The following TRABD2B variants were observed in gnomAD, a reference collection of about 807,000 sequenced individuals.
TRABD2B encodes the protein metalloprotease TIKI2.
A neutral mutation model predicts 40.1 loss-of-function variants in TRABD2B; 14 were observed. The ratio of observed to expected loss-of-function variants is 0.35; its 90% confidence interval spans 0.23 to 0.55. TRABD2B has a LOEUF of 0.55. TRABD2B is among the 20% of genes least tolerant of loss of function. The pLI is 0.90. For missense variants in TRABD2B, 541 were observed against 648.6 expected, an observed-to-expected ratio of 0.83 and a Z score of 1.80; for synonymous variants, 263 against 277.0, an observed-to-expected ratio of 0.95 and a Z score of 0.50.
At chr1:47,992,621 T>G (rs948152701) in intron 2 of TRABD2B, among the ~76,000 whole-genome samples, 1 of 152,116 alleles carries the variant, frequency 6.6e-6, no homozygotes, top group Non-Finnish European at 1.5e-5. Flanking sequence ...AGATGGGCGG[T>G]GAGCGCCGGG....
intron 2 of TRABD2B, among the ~76,000 whole-genome samples, chr1:47,887,051 T>C (rs1461573384): frequency 6.6e-6 from 1 of 152,050 alleles, no homozygotes; most frequent in Non-Finnish European, 1.5e-5. Context: ...CCTCTCTAAG[T>C]CTCAGTTTGT....
In TRABD2B at chr1:47,994,708, A is replaced by T; in HGVS notation, c.103-111T>A. 1.0e-6 allele frequency: 1 copy of T among 962,332 alleles called. No individual in the cohort carries two copies. Among genetic ancestry groups the T allele is most frequent in the Non-Finnish European group, 1.5e-6 (1 of 663,666 alleles). 59.6% of individuals were successfully genotyped at this position (962,332 alleles called of 1,614,324 possible). On this transcript the variant is annotated intron_variant, in intron 1 of 6. Coordinates refer to ENST00000606738, the MANE Select transcript of TRABD2B (RefSeq NM_001194986.2). This position sits in a 1 kb window ranked among gnomAD's most constrained non-coding sequence, Gnocchi z 6.7. ...GGTGGGGATGGGAGGCAGAGACCAT[A>T]CACAGGCCGTGGTAAAGAGCCAGGT... is the stretch of plus-strand genomic sequence containing the variant.
intron 2 of TRABD2B, among the ~76,000 whole-genome samples, chr1:47,812,376 G>T (rs149961988): frequency 6.6e-6 from 1 of 152,152 alleles, no homozygotes; most frequent in East Asian, 1.9e-4. Flanking sequence ...CCTGGGAGTC[G>T]GTGAGGGAAT....
rs1371236311 is a variant in TRABD2B at position 47,813,865 on chromosome 1, G to T, written c.667-12246C>A. 6.6e-6 allele frequency among the ~76,000 whole-genome samples: 1 copy of T among 152,214 alleles called. No individual in the cohort carries two copies. Among genetic ancestry groups the T allele is most frequent in the Non-Finnish European group, 1.5e-5 (1 of 68,030 alleles). On this transcript the variant is annotated intron_variant, in intron 2 of 6. Transcript: ENST00000606738. This position sits in a 1 kb window ranked among gnomAD's most constrained non-coding sequence, Gnocchi z 4.3. ...TGCTAGGCTCTGTGCTGGGTGCCAA[G>T]GCCATGGGACCAAATCAGTACCCTG...
rs972274096 is a variant in TRABD2B, at chr1:47,763,168, C to G, written c.*2734G>C. The G allele has an allele frequency of 6.6e-6, 1 of 152,190 alleles. No individual in the cohort carries two copies. The highest frequency in any genetic ancestry group is 1.5e-5 in the Non-Finnish European group (1 of 68,040). 9.4% of individuals were successfully genotyped at this position (152,190 alleles called of 1,614,324 possible). A position where few individuals can be genotyped will look rare whatever the true frequency, so the allele number is the denominator to read the frequency against. ...TTCTCTGGCCCAGGATGAGAGAATT[C>G]AAGTGCCCCAGACATGCAGATTCCT... On this transcript the variant is annotated 3_prime_UTR_variant, in exon 7 of 7. Coordinates refer to ENST00000606738, the MANE Select transcript of TRABD2B (RefSeq NM_001194986.2).
At chr1:47,812,733 A>C (rs993897781) in intron 2 of TRABD2B, among the ~76,000 whole-genome samples, 1 of 152,224 alleles carries the variant, frequency 6.6e-6, no homozygotes. Flanking sequence ...GAAAAAACAA[A>C]GAAAGAAAGA....
At chr1:47,875,028 G>A (rs553065320) in intron 2 of TRABD2B, among the ~76,000 whole-genome samples, 1 of 152,186 alleles carries the variant, frequency 6.6e-6, no homozygotes, top group South Asian at 2.1e-4. Flanking sequence ...CAAGATCCTG[G>A]TGGGGTTTTG....
intron 2 of TRABD2B, among the ~76,000 whole-genome samples, chr1:47,802,675 G>C (rs1046313891): frequency 6.6e-6 from 1 of 152,056 alleles, no homozygotes; most frequent in African/African-American, 2.4e-5. Context: ...ACAATGCCTT[G>C]GACACCAAGT....
At chr1:47,943,798 ACAG>A in intron 2 of TRABD2B, among the ~76,000 whole-genome samples, 1 of 144,384 alleles carries the variant, frequency 6.9e-6, no homozygotes, top group East Asian at 2.1e-4. Context: ...ACACACACAC[ACAG>A]AACACAATGG....
chr1:47,974,988 A>G (rs1320735519), intron 2 of TRABD2B, among the ~76,000 whole-genome samples: 1 of 152,242 alleles, frequency 6.6e-6, no homozygotes, highest in African/African-American at 2.4e-5. Context: ...GTGCTCTTCA[A>G]AACTGTCAAG....
chr1:47,889,647 G>A (rs1289947439), intron 2 of TRABD2B, among the ~76,000 whole-genome samples: 1 of 152,228 alleles, frequency 6.6e-6, no homozygotes, highest in African/African-American at 2.4e-5. Context: ...TAGCTGCTGA[G>A]AGTTGGTGAC....
chr1:47,831,288 G>A (rs1645245622), intron 2 of TRABD2B, among the ~76,000 whole-genome samples: 1 of 152,276 alleles, frequency 6.6e-6, no homozygotes, highest in East Asian at 1.9e-4. Context: ...GTCCTACTGA[G>A]GCCTCGGGAA....
intron 2 of TRABD2B, among the ~76,000 whole-genome samples, chr1:47,838,943 G>A (rs1351397885): frequency 1.3e-5 from 2 of 152,214 alleles, no homozygotes; most frequent in African/African-American, 4.8e-5. Context: ...CAGCTGGCTT[G>A]CGGCCTGGGC....
chr1:47,794,907 A>G (rs1482751669), intron 3 of TRABD2B, 147 bp from the exon 4 acceptor site: 1 of 696,548 alleles, frequency 1.4e-6, no homozygotes, highest in African/African-American at 1.8e-5. Context: ...CAGCCTCCCA[A>G]ATAGGTATGA....
intron 2 of TRABD2B, among the ~76,000 whole-genome samples, chr1:47,981,379 T>C (rs1221406451): frequency 6.6e-6 from 1 of 152,202 alleles, no homozygotes; most frequent in African/African-American, 2.4e-5. Context: ...AGAGTTTCTG[T>C]GTTTAAACTC....
chr1:47,948,030 G>A (rs1390355966), intron 2 of TRABD2B, among the ~76,000 whole-genome samples: 1 of 152,152 alleles, frequency 6.6e-6, no homozygotes, highest in Non-Finnish European at 1.5e-5. Context: ...GACTTTTGGT[G>A]ACATGGACTC....
At chr1:47,982,066 A>G (rs542891231) in intron 2 of TRABD2B, among the ~76,000 whole-genome samples, 10 of 152,308 alleles carry the variant, frequency 6.6e-5, no homozygotes, top group African/African-American at 2.2e-4. Context: ...AAGGCAAGCC[A>G]GAATGAATAC....
intron 2 of TRABD2B, among the ~76,000 whole-genome samples, chr1:47,983,135 G>C (rs1317281189): frequency 6.6e-6 from 1 of 152,186 alleles, no homozygotes; most frequent in Non-Finnish European, 1.5e-5. Flanking sequence ...ACATGCCATG[G>C]AATACTAGGC....
intron 2 of TRABD2B, among the ~76,000 whole-genome samples, chr1:47,948,484 A>T (rs1348986217): frequency 2.0e-5 from 3 of 152,206 alleles, no homozygotes; most frequent in Non-Finnish European, 4.4e-5. Context: ...GACAAAAGAC[A>T]GGAGTTGAGG....
Sources: allele counts gnomAD v4.1 joint callset (sites outside exome capture counted in the v4.1 genomes callset), GRCh38; gene constraint gnomAD v4.1.1; non-coding constraint Gnocchi (gnomAD v3.1); transcripts MANE v1.5; gene names NCBI Gene and HGNC (gene_info 2026-07-23, HGNC 2026-07-21).